The following GYS2 variants were observed in gnomAD, a reference collection of about 807,000 sequenced individuals.
GYS2 encodes glycogen synthase 2, also known as glycogen [starch] synthase, liver.
Under a neutral mutation model 85.6 loss-of-function variants are expected in GYS2, and 80 were observed. That is an observed-to-expected ratio of 0.93 (90% CI 0.78 to 1.13). The LOEUF (loss-of-function observed/expected upper bound fraction) is 1.13. GYS2 is among the 50% of genes most tolerant of loss of function. GYS2 has a pLI of 0.00. For missense variants in GYS2, 881 were observed against 854.9 expected (o/e 1.03, Z -0.38); for synonymous variants, 328 against 300.7 (o/e 1.09, Z -0.94).
chr12:21,587,630 G>A (rs547373400), intron 1 of GYS2, among the ~76,000 whole-genome samples: 89 of 152,034 alleles, frequency 5.9e-4, no homozygotes, highest in Admixed American at 1.6e-3. Flanking sequence ...ACAATTAAAC[G>A]TTTTTTCCTT....
intron 1 of GYS2, among the ~76,000 whole-genome samples, chr12:21,584,511 A>G (rs1944551285): frequency 6.6e-6 from 1 of 152,208 alleles, no homozygotes; most frequent in African/African-American, 2.4e-5. Flanking sequence ...CAAAGTGGCC[A>G]CAGTTGCAGG....
intron 11 of GYS2, among the ~76,000 whole-genome samples, chr12:21,555,857 C>T (rs1944173051): frequency 6.6e-6 from 1 of 152,152 alleles, no homozygotes; most frequent in Admixed American, 6.5e-5. Flanking sequence ...TTCTGCCCCA[C>T]CAGCAAGGGG....
intron 1 of GYS2, among the ~76,000 whole-genome samples, chr12:21,587,504 C>G (rs748078403): frequency 1.6e-4 from 24 of 151,978 alleles, no homozygotes; most frequent in Non-Finnish European, 2.5e-4. Flanking sequence ...GCGGCTTTTC[C>G]CCCTTTTGCT....
At chr12:21,593,200 C>G (rs552484737) in intron 1 of GYS2, among the ~76,000 whole-genome samples, 235 of 151,592 alleles carry the variant, frequency 1.6e-3, no homozygotes, top group African/African-American at 5.4e-3. Context: ...AATATATAAT[C>G]TAATCATGTA....
At chr12:21,548,777 A>G (rs947827589) in intron 11 of GYS2, among the ~76,000 whole-genome samples, 4 of 152,156 alleles carry the variant, frequency 2.6e-5, no homozygotes, top group African/African-American at 9.7e-5. Context: ...TGTCAATTCT[A>G]TATAGTCAAT....
intron 1 of GYS2, among the ~76,000 whole-genome samples, chr12:21,587,508 T>G (rs1944587719): frequency 6.6e-6 from 1 of 152,078 alleles, no homozygotes; most frequent in Admixed American, 6.6e-5. Context: ...CTTTTCCCCC[T>G]TTTGCTTGGC....
At chr12:21,552,131 A>G (rs1944119445) in intron 11 of GYS2, among the ~76,000 whole-genome samples, 1 of 152,222 alleles carries the variant, frequency 6.6e-6, no homozygotes, top group African/African-American at 2.4e-5. Context: ...ATCGCCCAGG[A>G]AAGCTCCTGG....
At chr12:21,586,117 G>A (rs973989540) in intron 1 of GYS2, among the ~76,000 whole-genome samples, 2 of 152,118 alleles carry the variant, frequency 1.3e-5, no homozygotes, top group East Asian at 1.9e-4. Context: ...TTTAGTCAGT[G>A]GGCTGGGAAA....
intron 1 of GYS2, among the ~76,000 whole-genome samples, chr12:21,595,643 CA>C (rs71053326): frequency 1 from 152,301 of 152,302 alleles, 76,150 homozygotes; most frequent in Non-Finnish European, 1. Context: ...AAATGGCCAC[CA>C]AAAGTGAGTA....
At chr12:21,565,541 A>G (rs916744092) in intron 5 of GYS2, among the ~76,000 whole-genome samples, 18 of 149,362 alleles carry the variant, frequency 1.2e-4, no homozygotes, top group African/African-American at 4.4e-4. Context: ...CAAATAACCT[A>G]AAATCATAGT....
intron 1 of GYS2, among the ~76,000 whole-genome samples, chr12:21,582,604 GATATAGAT>G (rs1565608532): frequency 9.1e-5 from 5 of 55,170 alleles, no homozygotes; most frequent in South Asian, 8.4e-4. Flanking sequence ...GATAGATATA[GATATAGAT>G]ATAGATATAG....
chr12:21,582,594 G>GATAGATATAGAGATAGAT (rs1944523709), intron 1 of GYS2, among the ~76,000 whole-genome samples: 3 of 148,930 alleles, frequency 2.0e-5, no homozygotes, highest in African/African-American at 7.5e-5. Context: ...TAGATATAGA[G>GATAGATATAGAGATAGAT]ATAGATATAG....
At chr12:21,584,808 AATGCCGT>A (rs1424000350) in intron 1 of GYS2, among the ~76,000 whole-genome samples, 7 of 152,162 alleles carry the variant, frequency 4.6e-5, no homozygotes, top group Non-Finnish European at 7.3e-5. Context: ...GGAATCACAG[AATGCCGT>A]ATCCACTGTC....
intron 11 of GYS2, among the ~76,000 whole-genome samples, chr12:21,550,086 T>C (rs1224270972): frequency 6.6e-6 from 1 of 152,182 alleles, no homozygotes; most frequent in Non-Finnish European, 1.5e-5. Flanking sequence ...TTTCTGTATA[T>C]ATTTAACAAA....
At chr12:21,589,892 G>A (rs933057369) in intron 1 of GYS2, among the ~76,000 whole-genome samples, 2 of 152,042 alleles carry the variant, frequency 1.3e-5, no homozygotes, top group African/African-American at 4.8e-5. Flanking sequence ...AGATGACATC[G>A]TTCCTCAGAC....
At chr12:21,592,927 A>C (rs1174673640) in intron 1 of GYS2, among the ~76,000 whole-genome samples, 1 of 152,120 alleles carries the variant, frequency 6.6e-6, no homozygotes, top group African/African-American at 2.4e-5. Flanking sequence ...AATCATATTA[A>C]GCATCTTCTC....
Position 21,556,898 on chromosome 12 carries a change from T to C in GYS2, c.1422+1302A>G, listed in dbSNP as rs573666393. The stretch of plus-strand genomic sequence containing the variant: ...ATTTATTTGTTTGATTTTTTTAACA[T>C]GGAGAAATTTAAGGAATATTTATAG... On this transcript the variant is annotated intron_variant, in intron 11 of 15. Coordinates refer to ENST00000261195, the MANE Select transcript of GYS2 (RefSeq NM_021957.4). Among the ~76,000 whole-genome samples the C allele has an allele frequency of 2.5e-4, 38 of 152,046 alleles. No homozygotes were observed. In the East Asian group the frequency reaches 6.0e-3, roughly 24 times the overall value.
chr12:21,574,067 A>ACAGAT (rs1325960913), intron 4 of GYS2, 77 bp downstream of exon 4: 5 of 1,144,956 alleles, frequency 4.4e-6, no homozygotes, highest in Non-Finnish European at 6.6e-6. Flanking sequence ...GATGAAATGT[A>ACAGAT]CAGATCAATA....
chr12:21,567,240 A>G (rs946283646), intron 5 of GYS2, among the ~76,000 whole-genome samples: 2 of 152,166 alleles, frequency 1.3e-5, no homozygotes, highest in African/African-American at 4.8e-5. Flanking sequence ...TGGCAGCAGG[A>G]GAAAGGAGGA....
Sources: allele counts gnomAD v4.1 joint callset (sites outside exome capture counted in the v4.1 genomes callset), GRCh38; gene constraint gnomAD v4.1.1; transcripts MANE v1.5; gene names NCBI Gene and HGNC (gene_info 2026-07-23, HGNC 2026-07-21).